CA7: variants seen among roughly 807,000 people sequenced by gnomAD.
The protein encoded by CA7 is carbonate dehydratase VII.
A neutral mutation model predicts 31.4 loss-of-function variants in CA7; 13 were observed. The ratio of observed to expected loss-of-function variants is 0.41; its 90% confidence interval spans 0.27 to 0.66. The LOEUF is 0.66. Among genes scored for constraint, CA7 ranks in the 30% least tolerant of loss-of-function variants. The pLI is 0.28. For synonymous variants in CA7, 128 were observed against 133.2 expected (o/e 0.96, Z 0.27); for missense variants, 215 against 351.0 (o/e 0.61, Z 3.10).
At chr16:66,845,353 TGCAA>T (rs1187939316) in intron 1 of CA7, 1 of 414,398 alleles carries the variant, frequency 2.4e-6, no homozygotes, top group African/African-American at 2.2e-5. Flanking sequence ...GGGGAGCCAG[TGCAA>T]GACAGGTGGG....
intron 1 of CA7, 99 bp from the exon 2 acceptor site, chr16:66,846,931 T>C (rs1960940582): frequency 1.0e-6 from 1 of 976,234 alleles, no homozygotes; most frequent in African/African-American, 1.6e-5. Flanking sequence ...GGCTCACCTC[T>C]GAAAGGATGC....
At chr16:66,844,987 G>A in intron 1 of CA7, 2 of 991,648 alleles carry the variant, frequency 2.0e-6, no homozygotes, top group Non-Finnish European at 2.4e-6. Context: ...AGGGCGCAGT[G>A]TCCCCCGGAG....
chr16:66,846,364 T>C (rs1033049872), intron 1 of CA7, among the ~76,000 whole-genome samples: 2 of 152,188 alleles, frequency 1.3e-5, no homozygotes, highest in African/African-American at 4.8e-5. Flanking sequence ...GTGTGCACAA[T>C]GGAAGATCAT....
Position 66,844,467 on chromosome 16 carries a change from G to T in CA7, c.-21G>T. ...GACCGAGCCGACCGGGCAGGTGCAC[G>T]GCTGCGGGGACGGCAGCGGCATGAC... On this transcript the variant is annotated 5_prime_UTR_variant, in exon 1 of 7. Coordinates refer to ENST00000338437, the MANE Select transcript of CA7 (RefSeq NM_005182.3). 2.6e-6 allele frequency: 4 copies of T among 1,538,890 alleles called. No individual in the cohort carries two copies. The highest frequency in any genetic ancestry group is 3.5e-6 in the Non-Finnish European group (4 of 1,142,176).
intron 1 of CA7, chr16:66,844,982 G>C: frequency 1.0e-6 from 1 of 993,374 alleles, no homozygotes; most frequent in Non-Finnish European, 1.2e-6. Flanking sequence ...TGGCAAGGGC[G>C]CAGTGTCCCC....
At chr16:66,845,139 G>A (rs1045867404) in intron 1 of CA7, 8 of 985,488 alleles carry the variant, frequency 8.1e-6, no homozygotes, top group African/African-American at 7.0e-5. Context: ...GTGGGAGCCC[G>A]TGGCCCACAC....
Position 66,853,321 on chromosome 16 carries a change from A to G in CA7, c.673-55A>G. ...TATGCCAGATGATGCATCTGGGGTCATAGAGGACCACAGCACCCCCAATCT... is the reference window on the plus strand; with the variant it reads ...TATGCCAGATGATGCATCTGGGGTCGTAGAGGACCACAGCACCCCCAATCT... On this transcript the variant is annotated intron_variant, in intron 6 of 6. Transcript: ENST00000338437. This position sits in a 1 kb window ranked among gnomAD's most constrained non-coding sequence, Gnocchi z 4.5. The G allele has an allele frequency of 6.2e-7, 1 of 1,610,152 alleles. No individual in the cohort carries two copies. Among genetic ancestry groups the G allele is most frequent in the Non-Finnish European group, 8.5e-7 (1 of 1,177,252 alleles).
intron 3 of CA7, 110 bp downstream of exon 3, chr16:66,850,769 G>A: frequency 1.3e-6 from 1 of 779,400 alleles, no homozygotes; most frequent in Non-Finnish European, 2.3e-6. Context: ...GGGGGAAGAG[G>A]AGCACCCGGG....
Position 66,853,740 on chromosome 16 carries a change from C to G in CA7, c.*242C>G. On this transcript the variant is annotated 3_prime_UTR_variant, in exon 7 of 7. Coordinates refer to ENST00000338437, the MANE Select transcript of CA7 (RefSeq NM_005182.3). This position sits in a 1 kb window ranked among gnomAD's most constrained non-coding sequence, Gnocchi z 4.5. ...GGGTCCAAGCCTGGGGCTGCCTCTGCTCTCCAAGACCCAAAGACCCTGGGA... is the reference window on the plus strand; with the variant it reads ...GGGTCCAAGCCTGGGGCTGCCTCTGGTCTCCAAGACCCAAAGACCCTGGGA... 2 of 513,798 alleles carry G rather than the reference C, an allele frequency of 3.9e-6. No individual in the cohort carries two copies. The highest frequency in any genetic ancestry group is 6.3e-5 in the East Asian group (2 of 31,954). 31.8% of individuals were successfully genotyped at this position (513,798 alleles called of 1,614,324 possible). A position where few individuals can be genotyped will look rare whatever the true frequency, so the allele number is the denominator to read the frequency against.
In CA7 at chr16:66,851,704, C is replaced by T. The variant is rs766589828; in HGVS notation, c.494C>T (p.Ala165Val). The change falls in exon 5 of 7, where the codon GCG (alanine) becomes GTG (valine). Residue 165 changes from alanine to valine, a missense_variant. Coordinates refer to ENST00000338437, the MANE Select transcript of CA7 (RefSeq NM_005182.3). ...EHPSMNRLTDALYMVRFKGTK... is the reference protein window; with the variant it reads ...EHPSMNRLTDVLYMVRFKGTK... ...CCCAGCATGAATCGTCTGACAGATG[C>T]GCTCTACATGGTCCGGTTCAAGGTA... 4.2e-5 allele frequency: 67 copies of T among 1,613,860 alleles called. No homozygotes were observed. The highest frequency in any genetic ancestry group is 6.7e-5 in the African/African-American group (5 of 74,924).
chr16:66,851,301 T>C (rs1231317300), intron 3 of CA7, among the ~76,000 whole-genome samples, 162 bp from the exon 4 acceptor site: 1 of 152,118 alleles, frequency 6.6e-6, no homozygotes, highest in Non-Finnish European at 1.5e-5. Context: ...CCTGTGACCC[T>C]CTGGGGCTCC....
Position 66,847,181 on chromosome 16 carries a change from T to C in CA7, c.192T>C (p.Asn64=), listed in dbSNP as rs1960946647. The C allele has an allele frequency of 3.1e-6, 5 of 1,614,178 alleles. No individual in the cohort carries two copies. The African/African-American group carries it at 6.7e-5, about 22-fold the overall frequency. Residue 64 remains asparagine (N), a synonymous_variant, in exon 2 of 7, where the codon AAT becomes AAC. Transcript: ENST00000338437. ...GCATGTCCCTCAGCATCACCAACAA[T>C]GGCCACTCTGTCCAGGTAGACTTCA... ...EACMSLSITN[N]GHSVQVDFND...
intron 1 of CA7, among the ~76,000 whole-genome samples, chr16:66,846,174 GGTGTGTGT>G (rs4000639): frequency 3.5e-4 from 51 of 147,456 alleles, no homozygotes; most frequent in African/African-American, 9.2e-4. Flanking sequence ...TGTGTATGCA[GGTGTGTGT>G]GTGTGTGTGT....
intron 2 of CA7, 74 bp from the exon 3 acceptor site, chr16:66,850,467 C>T (rs1961016623): frequency 5.8e-6 from 5 of 860,962 alleles, no homozygotes; most frequent in African/African-American, 1.7e-5. Flanking sequence ...CTTTCCTGGG[C>T]TGCTGCCCTG....
chr16:66,846,088 G>A (rs1960922748), intron 1 of CA7, among the ~76,000 whole-genome samples: 1 of 152,150 alleles, frequency 6.6e-6, no homozygotes, highest in Non-Finnish European at 1.5e-5. Flanking sequence ...TGCATCTCAG[G>A]ATGTTCCCCA....
chr16:66,849,763 C>T (rs1159126442), intron 2 of CA7, among the ~76,000 whole-genome samples: 1 of 152,118 alleles, frequency 6.6e-6, no homozygotes, highest in Non-Finnish European at 1.5e-5. Flanking sequence ...TGCCGGCTGT[C>T]AGGATTTCTG....
intron 1 of CA7, 75 bp from the exon 2 acceptor site, chr16:66,846,955 C>T (rs1960941224): frequency 2.4e-6 from 3 of 1,249,714 alleles, no homozygotes; most frequent in Non-Finnish European, 3.5e-6. Flanking sequence ...AGAGACCATT[C>T]CCCTATGGGT....
chr16:66,852,614 GA>G (rs371663630), intron 5 of CA7, 97 bp from the exon 6 acceptor site: 5 of 818,610 alleles, frequency 6.1e-6, no homozygotes, highest in Admixed American at 3.2e-5. Flanking sequence ...AAAGAAAAAA[GA>G]AAAGAAAAAA....
intron 2 of CA7, among the ~76,000 whole-genome samples, chr16:66,848,846 A>T (rs1442900074): frequency 3.3e-5 from 5 of 152,140 alleles, no homozygotes; most frequent in African/African-American, 1.2e-4. Context: ...CTGCAGACCT[A>T]TCCAATTGCT....
Sources: gnomAD v4.1 joint callset for allele counts (sites outside exome capture counted in the v4.1 genomes callset) on GRCh38, gnomAD v4.1.1 for gene constraint, Gnocchi (gnomAD v3.1) non-coding constraint, MANE v1.5 for transcripts, NCBI Gene and HGNC (gene_info 2026-07-23, HGNC 2026-07-21) for gene names.